Variants in ZHX2 observed in about 807,000 individuals in gnomAD.
ZHX2 encodes zinc fingers and homeoboxes protein 2.
ZHX2 carries 6 observed loss-of-function variants against 21.9 expected under a neutral mutation model. The observed-to-expected ratio is 0.27, with a 90% CI of 0.15 to 0.54. ZHX2 has a LOEUF of 0.54. ZHX2 is among the 20% of genes least tolerant of loss of function. The pLI is 0.95. For synonymous variants in ZHX2, 434 were observed against 437.1 expected (o/e 0.99, Z 0.09); for missense variants, 908 against 1,090.7 (o/e 0.83, Z 2.36).
At chr8:122,853,212 T>G (rs866133849) in intron 1 of ZHX2, among the ~76,000 whole-genome samples, 2 of 152,152 alleles carry the variant, frequency 1.3e-5, no homozygotes, top group Non-Finnish European at 2.9e-5. Flanking sequence ...TTATAAAGAC[T>G]CATCATCATG....
chr8:122,914,373 G>A lies in ZHX2; in HGVS notation c.-219-36919G>A, dbSNP rs562732197. Among the ~76,000 whole-genome samples, 4 of 152,342 alleles carry A rather than the reference G, an allele frequency of 2.6e-5. No homozygotes were observed. The South Asian group carries it at 8.3e-4, about 32-fold the overall frequency. ...AACCACAAATGGTGAAGTGGGGGGA[G>A]AAAGGGGCACAGTGGGCAGGAGCCA... On this transcript the variant is annotated intron_variant, in intron 2 of 3. Transcript: ENST00000314393.
intron 1 of ZHX2, among the ~76,000 whole-genome samples, chr8:122,785,960 C>T (rs150558270): frequency 9.9e-5 from 15 of 152,276 alleles, no homozygotes; most frequent in African/African-American, 2.2e-4. Context: ...TGCAGACAAA[C>T]GAGCTTAGTT....
chr8:122,818,087 C>T (rs192323153), intron 1 of ZHX2, among the ~76,000 whole-genome samples: 17 of 152,206 alleles, frequency 1.1e-4, no homozygotes, highest in South Asian at 2.1e-4. Flanking sequence ...CTCTTGGCTT[C>T]GGAGGCAAGG....
At chr8:122,798,891 A>G (rs190933816) in intron 1 of ZHX2, among the ~76,000 whole-genome samples, 1 of 152,274 alleles carries the variant, frequency 6.6e-6, no homozygotes, top group African/African-American at 2.4e-5. Flanking sequence ...TTAGTTACCA[A>G]TTTTGCACTA....
chr8:122,890,527 A>T (rs1422301181), intron 2 of ZHX2, among the ~76,000 whole-genome samples: 1 of 152,152 alleles, frequency 6.6e-6, no homozygotes, highest in African/African-American at 2.4e-5. Flanking sequence ...GGTTGAATTG[A>T]ATCTGTAGAT....
intron 1 of ZHX2, among the ~76,000 whole-genome samples, chr8:122,850,560 A>T (rs1278880693): frequency 1.3e-5 from 2 of 149,830 alleles, no homozygotes; most frequent in Admixed American, 1.3e-4. Context: ...GAATCGCTTG[A>T]GCCTAGGAGG....
chr8:122,786,163 TC>T (rs1023523346), intron 1 of ZHX2, among the ~76,000 whole-genome samples: 2 of 152,166 alleles, frequency 1.3e-5, no homozygotes, highest in African/African-American at 4.8e-5. Flanking sequence ...TCTGGATAAT[TC>T]AGTTAGTGGG....
chr8:122,808,462 A>G (rs1817864030), intron 1 of ZHX2, among the ~76,000 whole-genome samples: 1 of 152,184 alleles, frequency 6.6e-6, no homozygotes. Context: ...TTATAAAACC[A>G]TCAGATCTCA....
chr8:122,857,506 T>A (rs1027620762), intron 1 of ZHX2, among the ~76,000 whole-genome samples: 1 of 152,222 alleles, frequency 6.6e-6, no homozygotes, highest in South Asian at 2.1e-4. Context: ...GAATTCAGTA[T>A]TCTCGTAAAT....
At chr8:122,958,161 T>A in intron 3 of ZHX2, among the ~76,000 whole-genome samples, 1 of 152,150 alleles carries the variant, frequency 6.6e-6, no homozygotes, top group East Asian at 1.9e-4. Flanking sequence ...GCGTTAAGCA[T>A]CTCCTGCAAC....
chr8:122,936,736 G>A (rs1316778541), intron 2 of ZHX2, among the ~76,000 whole-genome samples: 3 of 152,218 alleles, frequency 2.0e-5, no homozygotes, highest in Admixed American at 2.0e-4. Context: ...CTGGTTCTCT[G>A]CATCTCTCAA....
upstream of ZHX2, chr8:122,781,552 G>A (rs1586567636): frequency 6.6e-6 from 1 of 152,610 alleles, no homozygotes; most frequent in South Asian, 2.1e-4. This position sits in a 1 kb window ranked among gnomAD's most constrained non-coding sequence, Gnocchi z 4.6. Flanking sequence ...GGTGTCTCCG[G>A]AGGGGGCTGA....
intron 2 of ZHX2, among the ~76,000 whole-genome samples, chr8:122,925,895 C>T (rs1021877304): frequency 6.6e-6 from 1 of 152,020 alleles, no homozygotes; most frequent in African/African-American, 2.4e-5. Context: ...GATTGGGAGG[C>T]CATTGTGACT....
chr8:122,895,308 T>C (rs1479034066), intron 2 of ZHX2, among the ~76,000 whole-genome samples: 1 of 152,178 alleles, frequency 6.6e-6, no homozygotes, highest in Non-Finnish European at 1.5e-5. Context: ...AGTGGAGAAA[T>C]GCACTTTCTG....
chr8:122,874,841 G>A lies in ZHX2; in HGVS notation c.-220+11302G>A, dbSNP rs144183295. ...GAGATTCAGAATAGAAGAAAATGGA[G>A]ATACTTTTCTACATCAGCAGCAGGG... On this transcript the variant is annotated intron_variant, in intron 2 of 3. Coordinates refer to ENST00000314393, the MANE Select transcript of ZHX2 (RefSeq NM_014943.5). Among the ~76,000 whole-genome samples the A allele has an allele frequency of 2.7e-3, 407 of 152,144 alleles. 1 individual carries two copies. Among genetic ancestry groups the A allele is most frequent in the Non-Finnish European group, 4.7e-3 (323 of 68,006 alleles).
chr8:122,918,961 A>C (rs924553284), intron 2 of ZHX2, among the ~76,000 whole-genome samples: 4 of 152,026 alleles, frequency 2.6e-5, no homozygotes, highest in Non-Finnish European at 5.9e-5. Flanking sequence ...AAAAAAAAAA[A>C]AACTTTATTT....
chr8:122,889,538 T>C (rs1204638888), intron 2 of ZHX2, among the ~76,000 whole-genome samples: 2 of 152,224 alleles, frequency 1.3e-5, no homozygotes, highest in Non-Finnish European at 2.9e-5. Flanking sequence ...TTTTGTGAAA[T>C]GTTGATTCAG....
At chr8:122,890,957 G>T (rs1346929826) in intron 2 of ZHX2, among the ~76,000 whole-genome samples, 1 of 151,918 alleles carries the variant, frequency 6.6e-6, no homozygotes, top group Non-Finnish European at 1.5e-5. Context: ...CTTGTATTTT[G>T]TTGAGAATTT....
intron 2 of ZHX2, among the ~76,000 whole-genome samples, chr8:122,942,997 C>T (rs2130222657): frequency 6.6e-6 from 1 of 152,328 alleles, no homozygotes; most frequent in East Asian, 1.9e-4. Flanking sequence ...CACGGTGGCT[C>T]ATGCCTGTAA....
Sources: gnomAD v4.1 joint callset for allele counts (sites outside exome capture counted in the v4.1 genomes callset) on GRCh38, gnomAD v4.1.1 for gene constraint, Gnocchi (gnomAD v3.1) non-coding constraint, MANE v1.5 for transcripts, NCBI Gene and HGNC (gene_info 2026-07-23, HGNC 2026-07-21) for gene names.